The following CADPS2 variants were observed in gnomAD, a reference collection of about 807,000 sequenced individuals.
CADPS2 encodes calcium-dependent secretion activator 2.
In CADPS2, 93 loss-of-function variants were observed where a neutral mutation model predicts 172.5. The ratio of observed to expected loss-of-function variants is 0.54; its 90% CI spans 0.46 to 0.64. CADPS2 has a LOEUF of 0.64. Ranked by LOEUF, CADPS2 falls within the 30% of genes least tolerant of loss-of-function variation. CADPS2 has a pLI of 0.00. For synonymous variants in CADPS2, 546 were observed against 555.2 expected, an observed-to-expected ratio of 0.98 and a Z score of 0.23; for missense variants, 1,420 against 1,565.9, an observed-to-expected ratio of 0.91 and a Z score of 1.57.
At chr7:122,515,034 G>A (rs1246669237) in intron 8 of CADPS2, among the ~76,000 whole-genome samples, 1 of 151,876 alleles carries the variant, frequency 6.6e-6, no homozygotes, top group Non-Finnish European at 1.5e-5. Context: ...CAGAATCCAG[G>A]GGGGAGAAAA....
chr7:122,580,853 T>G (rs2068717240), intron 7 of CADPS2, among the ~76,000 whole-genome samples: 1 of 152,092 alleles, frequency 6.6e-6, no homozygotes, highest in Admixed American at 6.6e-5. Context: ...ATATGTTACA[T>G]GAGAATTACC....
At chr7:122,827,539 G>T (rs1202902239) in intron 1 of CADPS2, among the ~76,000 whole-genome samples, 1 of 151,716 alleles carries the variant, frequency 6.6e-6, no homozygotes, top group Non-Finnish European at 1.5e-5. Context: ...GGCTGAGGCA[G>T]GAGAATCGTT....
At chr7:122,688,466 G>C (rs555390196) in intron 2 of CADPS2, among the ~76,000 whole-genome samples, 1 of 152,288 alleles carries the variant, frequency 6.6e-6, no homozygotes, top group East Asian at 1.9e-4. Flanking sequence ...TGGATGAGTG[G>C]CAAACAGCTG....
intron 2 of CADPS2, among the ~76,000 whole-genome samples, chr7:122,715,539 T>A (rs1291027356): frequency 1.3e-5 from 2 of 152,124 alleles, no homozygotes; most frequent in African/African-American, 2.4e-5. Context: ...CTCTTTTCTG[T>A]ACACTGTCCA....
chr7:122,499,749 C>A (rs1480866472), intron 9 of CADPS2, among the ~76,000 whole-genome samples: 1 of 152,082 alleles, frequency 6.6e-6, no homozygotes, highest in South Asian at 2.1e-4. Flanking sequence ...TCTTATGTAT[C>A]CTTAAGTTAT....
chr7:122,709,110 A>C (rs1416873466), intron 2 of CADPS2, among the ~76,000 whole-genome samples: 1 of 152,060 alleles, frequency 6.6e-6, no homozygotes, highest in African/African-American at 2.4e-5. Context: ...CTGTTCTCTT[A>C]ATAGGCTACT....
rs540059834 is a variant in CADPS2 at position 122,681,169 on chromosome 7, C to T, written c.454-17600G>A. On this transcript the variant is annotated intron_variant, in intron 2 of 29. Transcript: ENST00000449022. Reference sequence around the variant, plus strand: ...GGGAGGGATAGCATTGGGAGATATACCTAATGCTAGATGACAAGTTAGTGG... The same window carrying T: ...GGGAGGGATAGCATTGGGAGATATATCTAATGCTAGATGACAAGTTAGTGG... The T allele has an allele frequency of 7.5e-4, 411 of 548,224 alleles. 1 individual carries two copies. The South Asian group carries it at 7.9e-3, about 11-fold the overall frequency. 34.0% of individuals were successfully genotyped at this position (548,224 alleles called of 1,614,324 possible). A position where few individuals can be genotyped will look rare whatever the true frequency, so the allele number is the denominator to read the frequency against.
intron 1 of CADPS2, among the ~76,000 whole-genome samples, chr7:122,799,399 A>C (rs1480111530): frequency 6.6e-6 from 1 of 151,988 alleles, no homozygotes; most frequent in Non-Finnish European, 1.5e-5. Flanking sequence ...GGAGATCGAG[A>C]CCATCCTGGC....
intron 6 of CADPS2, among the ~76,000 whole-genome samples, chr7:122,595,248 T>G (rs1417063080): frequency 6.6e-6 from 1 of 152,062 alleles, no homozygotes; most frequent in East Asian, 1.9e-4. Context: ...AAATATAGGG[T>G]TGCAAACTAT....
At chr7:122,675,992 C>A (rs1011060085) in intron 2 of CADPS2, among the ~76,000 whole-genome samples, 1 of 151,732 alleles carries the variant, frequency 6.6e-6, no homozygotes, top group African/African-American at 2.4e-5. Flanking sequence ...GTAAAAAAAA[C>A]AACAACAAAA....
chr7:122,833,616 G>A (rs1489679819), intron 1 of CADPS2, among the ~76,000 whole-genome samples: 4 of 151,794 alleles, frequency 2.6e-5, no homozygotes, highest in Non-Finnish European at 4.4e-5. Flanking sequence ...GGCTGGTCTC[G>A]AACTCCTGAC....
At chr7:122,714,375 A>G (rs147504290) in intron 2 of CADPS2, among the ~76,000 whole-genome samples, 97 of 152,214 alleles carry the variant, frequency 6.4e-4, no homozygotes, top group Non-Finnish European at 1.3e-3. Flanking sequence ...GATTGTTTCT[A>G]GCTGTCTTTA....
rs768595913 is a variant in CADPS2, at chr7:122,407,762, T to C, written c.2590-66A>G. 12 of 1,386,416 alleles carry C rather than the reference T, an allele frequency of 8.7e-6. 1 individual carries two copies. Among genetic ancestry groups the C allele is most frequent in the Non-Finnish European group, 5.0e-6 (5 of 1,002,376 alleles). 85.9% of individuals were successfully genotyped at this position (1,386,416 alleles called of 1,614,324 possible). On this transcript the variant is annotated intron_variant, in intron 19 of 29. Coordinates refer to ENST00000449022, the MANE Select transcript of CADPS2 (RefSeq NM_017954.11). The stretch of plus-strand genomic sequence containing the variant: ...TTTTTAGAAACATGCACAAGTACTG[T>C]GCCAGTTGAAAATATTTTATAACAT...
chr7:122,647,973 T>C (rs1442618169), intron 3 of CADPS2, among the ~76,000 whole-genome samples: 2 of 152,236 alleles, frequency 1.3e-5, no homozygotes, highest in African/African-American at 4.8e-5. Context: ...TTGTTAGTTC[T>C]TCTCTAAACC....
intron 2 of CADPS2, among the ~76,000 whole-genome samples, chr7:122,666,160 A>G (rs2081173677): frequency 6.6e-6 from 1 of 152,104 alleles, no homozygotes; most frequent in African/African-American, 2.4e-5. Flanking sequence ...TACACATATG[A>G]CCTTATATAT....
chr7:122,880,430 T>G (rs895086488), intron 1 of CADPS2, among the ~76,000 whole-genome samples: 2 of 152,198 alleles, frequency 1.3e-5, no homozygotes, highest in African/African-American at 4.8e-5. Context: ...GAATATTATT[T>G]GAGTGTTTTT....
intron 2 of CADPS2, chr7:122,676,578 C>A (rs7777183): frequency 0.72 from 624,989 of 866,038 alleles, 227,729 homozygotes; most frequent in Middle Eastern, 0.82. Context: ...AATTAAATAT[C>A]CACTTCACAC....
At chr7:122,720,170 G>T (rs564507577) in intron 2 of CADPS2, among the ~76,000 whole-genome samples, 210 of 152,042 alleles carry the variant, frequency 1.4e-3, no homozygotes, top group African/African-American at 4.9e-3. Flanking sequence ...CAGACCTAAC[G>T]AGTCATTCTA....
chr7:122,448,209 C>A (rs1385557810), intron 15 of CADPS2, among the ~76,000 whole-genome samples: 1 of 152,136 alleles, frequency 6.6e-6, no homozygotes, highest in Non-Finnish European at 1.5e-5. Flanking sequence ...TGTATAAAAT[C>A]TGGTTTCTCT....
Sources: allele counts gnomAD v4.1 joint callset (sites outside exome capture counted in the v4.1 genomes callset), GRCh38; gene constraint gnomAD v4.1.1; transcripts MANE v1.5; gene names NCBI Gene and HGNC (gene_info 2026-07-23, HGNC 2026-07-21).